Variants in PARP12 observed in about 807,000 individuals in gnomAD.
PARP12 encodes poly(ADP-ribose) polymerase family member 12.
A neutral mutation model predicts 72.4 loss-of-function variants in PARP12; 59 were observed. The observed-to-expected ratio is 0.81, with a 90% confidence interval of 0.66 to 1.01. PARP12 has a LOEUF of 1.01. Ranked by LOEUF, PARP12 falls within the 50% of genes least tolerant of loss-of-function variation. The pLI is 0.00. For synonymous variants in PARP12, 403 were observed against 371.4 expected, an observed-to-expected ratio of 1.09 and a Z score of -0.98; for missense variants, 851 against 914.0, an observed-to-expected ratio of 0.93 and a Z score of 0.89.
At chr7:140,033,354 A>G (rs1816020825) in intron 8 of PARP12, 1 of 985,310 alleles carries the variant, frequency 1.0e-6, no homozygotes, top group Non-Finnish European at 1.2e-6. Flanking sequence ...TTCACAAAAC[A>G]AAAGAACCAA....
At chr7:140,032,720 A>G (rs1490593759) in intron 8 of PARP12, among the ~76,000 whole-genome samples, 1 of 152,230 alleles carries the variant, frequency 6.6e-6, no homozygotes, top group East Asian at 1.9e-4. Flanking sequence ...ATAGAACAGT[A>G]TAGATAGCAT....
chr7:140,047,076 A>C, intron 4 of PARP12, 69 bp from the exon 5 acceptor site: 9 of 1,517,266 alleles, frequency 5.9e-6, no homozygotes, highest in Non-Finnish European at 8.0e-6. Flanking sequence ...TGTGGTTGTC[A>C]ACAGGTGTGG....
Position 140,036,001 on chromosome 7 carries a change from GAA to G in PARP12, c.1325-1672_1325-1671del, listed in dbSNP as rs1569526928. Among the ~76,000 whole-genome samples, 263 of 30,136 alleles carry G rather than the reference GAA, an allele frequency of 8.7e-3. 14 individuals are homozygous for G. Among genetic ancestry groups the G allele is most frequent in the African/African-American group, 0.018 (66 of 3,646 alleles). 19.8% of individuals were successfully genotyped at this position (30,136 alleles called of 152,430 possible). A position where few individuals can be genotyped will look rare whatever the true frequency, so the allele number is the denominator to read the frequency against. ...AGGAGGAGGAGGAGGAGGAGGAGGA[GAA>G]GGAGGAGAAGGAGGAGAAGGAGGAG... On this transcript the variant is annotated intron_variant, in intron 7 of 11. Transcript: ENST00000263549.
At chr7:140,054,825 G>C in intron 3 of PARP12, 62 bp from the exon 4 acceptor site, 1 of 1,399,730 alleles carries the variant, frequency 7.1e-7, no homozygotes, top group Non-Finnish European at 1.0e-6. Flanking sequence ...GAGAGTTAAA[G>C]AGGATTCATT....
chr7:140,038,649 C>T (rs1423484826), intron 6 of PARP12, among the ~76,000 whole-genome samples: 1 of 152,054 alleles, frequency 6.6e-6, no homozygotes, highest in Non-Finnish European at 1.5e-5. Context: ...TTATCATCAC[C>T]GTTCTTATTA....
At chr7:140,038,021 T>C in intron 6 of PARP12, 165 bp from the exon 7 acceptor site, 5 of 985,360 alleles carry the variant, frequency 5.1e-6, no homozygotes, top group Non-Finnish European at 4.8e-6. Context: ...AGGCACAGAA[T>C]GGAGGCAACA....
chr7:140,027,497 G>T, intron 9 of PARP12, 91 bp from the exon 10 acceptor site: 2 of 1,485,862 alleles, frequency 1.3e-6, no homozygotes, highest in Non-Finnish European at 9.2e-7. Flanking sequence ...CACTAGAACC[G>T]CAGAAGCACA....
chr7:140,046,932 T>TC lies in PARP12; in HGVS notation c.937dup (p.Asp313GlyfsTer7). 6.2e-7 allele frequency: 1 copy of TC among 1,614,106 alleles called. No individual in the cohort carries two copies. The highest frequency in any genetic ancestry group is 1.1e-5 in the South Asian group (1 of 91,074). ...TGCCTCTTCAATAAGTTCCATGTTG[T>TC]CCAAATCCTCCCATTTGCCTCTATC... On this transcript the variant is annotated frameshift_variant, in exon 5 of 12. Coordinates refer to ENST00000263549, the MANE Select transcript of PARP12 (RefSeq NM_022750.4). LOFTEE classifies it high-confidence loss of function.
In PARP12 at chr7:140,059,088, T is replaced by A. The variant is rs187022041; in HGVS notation, c.327-1054A>T. 2.5e-3 allele frequency among the ~76,000 whole-genome samples: 367 copies of A among 147,094 alleles called. 4 individuals are homozygous for A. Among genetic ancestry groups the A allele is most frequent in the Admixed American group, 0.022 (319 of 14,740 alleles). On this transcript the variant is annotated intron_variant, in intron 1 of 11. Coordinates refer to ENST00000263549, the MANE Select transcript of PARP12 (RefSeq NM_022750.4). ...CCAGCCTGGGCAACAGGAGCGAGACTCTGTCTCAAAAAAAAAAAAAAGAAA... is the reference window on the plus strand; with the variant it reads ...CCAGCCTGGGCAACAGGAGCGAGACACTGTCTCAAAAAAAAAAAAAAGAAA...
Position 140,059,030 on chromosome 7 carries a change from G to A in PARP12, c.327-996C>T, listed in dbSNP as rs532017581. 2.6e-5 allele frequency among the ~76,000 whole-genome samples: 4 copies of A among 152,048 alleles called. No homozygotes were observed. The East Asian group carries it at 7.7e-4, about 29-fold the overall frequency. On this transcript the variant is annotated intron_variant, in intron 1 of 11. Transcript: ENST00000263549. The stretch of plus-strand genomic sequence containing the variant: ...CAATCGCTTGAACCCAGGAGGCGGA[G>A]GCCGTGGTGAGCCAAGATTGCGCCA...
At chr7:140,056,555 G>A (rs1326239770) in intron 3 of PARP12, among the ~76,000 whole-genome samples, 1 of 152,194 alleles carries the variant, frequency 6.6e-6, no homozygotes, top group African/African-American at 2.4e-5. Flanking sequence ...TGACTGCACA[G>A]GGGGAGGAGC....
intron 4 of PARP12, among the ~76,000 whole-genome samples, chr7:140,053,408 T>C (rs1817042311): frequency 6.6e-6 from 1 of 152,116 alleles, no homozygotes; most frequent in African/African-American, 2.4e-5. Context: ...TGACAAAAAG[T>C]AGATCAGGGG....
rs1006717354 is a variant in PARP12 at position 140,062,668 on chromosome 7, C to G, written c.180G>C (p.Ala60=). 99 of 1,263,690 alleles carry G rather than the reference C, an allele frequency of 7.8e-5. No individual in the cohort carries two copies. The highest frequency in any genetic ancestry group is 9.7e-5 in the Non-Finnish European group (98 of 1,009,650). 78.3% of individuals were successfully genotyped at this position (1,263,690 alleles called of 1,614,324 possible). The part of the protein sequence containing the change: ...VVAVRAGGAA[A]APERVVLAAS... ...CGGCCAGCACCACGCGCTCCGGGGC[C>G]GCGGCTGCGCCGCCCGCCCGCACCG... The change falls in exon 1 of 12, where the codon GCG becomes GCC. Residue 60 remains alanine (A), a synonymous_variant. Coordinates refer to ENST00000263549, the MANE Select transcript of PARP12 (RefSeq NM_022750.4).
chr7:140,041,473 C>A (rs779938407), intron 6 of PARP12, 171 bp downstream of exon 6: 18 of 575,050 alleles, frequency 3.1e-5, no homozygotes, highest in Non-Finnish European at 4.8e-5. Context: ...CAAATAAATT[C>A]CAACTTATCT....
At chr7:140,052,732 T>TGTG (rs1817013254) in intron 4 of PARP12, among the ~76,000 whole-genome samples, 9 of 145,810 alleles carry the variant, frequency 6.2e-5, no homozygotes, top group African/African-American at 2.3e-4. Flanking sequence ...AAGACCCCTT[T>TGTG]TGTGTGTGTG....
At chr7:140,046,721 AGTGT>A (rs9340757) in intron 5 of PARP12, among the ~76,000 whole-genome samples, 159 bp downstream of exon 5, 41,889 of 135,192 alleles carry the variant, frequency 0.31, 7,765 homozygotes, top group East Asian at 0.62. Flanking sequence ...GGTGGCTCAC[AGTGT>A]GTGTGTGTGT....
At position 140,025,908 on chromosome 7, in the gene PARP12, C is replaced by T. The variant is rs550625419; in HGVS notation, c.1780+289G>A. On this transcript the variant is annotated intron_variant, in intron 11 of 11. Transcript: ENST00000263549. ...GACTTCATCAGGGCTGGGAAGGTAT[C>T]CCCTCTCCTCTCCCGTCTCTGTCAC... is the stretch of plus-strand genomic sequence containing the variant. Among the ~76,000 whole-genome samples the T allele has an allele frequency of 3.9e-5, 6 of 152,266 alleles. No individual in the cohort carries two copies. In the East Asian group the frequency reaches 1.2e-3, roughly 29 times the overall value.
At chr7:140,030,619 A>G (rs1214281998) in intron 8 of PARP12, among the ~76,000 whole-genome samples, 1 of 152,232 alleles carries the variant, frequency 6.6e-6, no homozygotes, top group Non-Finnish European at 1.5e-5. Flanking sequence ...ACATACATGC[A>G]TACATACATA....
At chr7:140,033,078 G>C (rs1816004419) in intron 8 of PARP12, 2 of 601,332 alleles carry the variant, frequency 3.3e-6, no homozygotes, top group South Asian at 1.5e-4. Flanking sequence ...TCAGTCTCCT[G>C]AGTAGCTGGG....
Sources: allele counts gnomAD v4.1 joint callset (sites outside exome capture counted in the v4.1 genomes callset), GRCh38; gene constraint gnomAD v4.1.1; transcripts MANE v1.5; gene names NCBI Gene and HGNC (gene_info 2026-07-23, HGNC 2026-07-21).